The following NAV3 variants were observed in gnomAD, a reference collection of about 807,000 sequenced individuals.
NAV3 encodes the protein neuron navigator 3.
In NAV3, 87 loss-of-function variants were observed where a neutral mutation model predicts 244.7. The ratio of observed to expected loss-of-function variants is 0.36; its 90% CI spans 0.30 to 0.42. NAV3 has a LOEUF of 0.42. Among genes scored for constraint, NAV3 ranks in the 20% least tolerant of loss-of-function variants. The pLI is 1.00. For synonymous variants in NAV3, 1,126 were observed against 1,042.2 expected (o/e 1.08, Z -1.55); for missense variants, 2,663 against 2,893.3 (o/e 0.92, Z 1.83).
At position 77,858,583 on chromosome 12, in the gene NAV3, C is replaced by G. The variant is rs114477725; in HGVS notation, c.243+26879C>G. Among the ~76,000 whole-genome samples, 1,023 of 152,156 alleles carry G rather than the reference C, an allele frequency of 6.7e-3. 12 individuals are homozygous for G. Among genetic ancestry groups the G allele is most frequent in the African/African-American group, 0.024 (981 of 41,538 alleles). ...GAACTCACAGCCATATTTTATTACA[C>G]TATCTCATTGTGGTTTTTCACACTG... On this transcript the variant is annotated intron_variant, in intron 1 of 39. Transcript: ENST00000397909.
intron 12 of NAV3, among the ~76,000 whole-genome samples, chr12:78,081,173 G>A (rs1953330492): frequency 1.3e-5 from 2 of 152,104 alleles, no homozygotes; most frequent in Admixed American, 6.6e-5. Context: ...AACACCTCTA[G>A]CATCTTATGA....
At chr12:77,709,161 T>C (rs1183802738) in intron 2 of NAV3, among the ~76,000 whole-genome samples, 1 of 152,136 alleles carries the variant, frequency 6.6e-6, no homozygotes, top group Admixed American at 6.5e-5. Context: ...TGCAAATCAA[T>C]AAATGTAATC....
intron 2 of NAV3, among the ~76,000 whole-genome samples, chr12:77,601,887 A>T (rs1870450411): frequency 6.6e-6 from 1 of 152,002 alleles, no homozygotes; most frequent in Non-Finnish European, 1.5e-5. Flanking sequence ...AATTGACAAG[A>T]TTAATAAGTG....
At chr12:77,622,132 C>T (rs151225456) in intron 2 of NAV3, among the ~76,000 whole-genome samples, 1 of 152,066 alleles carries the variant, frequency 6.6e-6, no homozygotes, top group African/African-American at 2.4e-5. Flanking sequence ...AACTCATAGC[C>T]TCTGATACCA....
intron 12 of NAV3, among the ~76,000 whole-genome samples, chr12:78,086,661 G>A (rs1487518281): frequency 2.0e-5 from 3 of 151,960 alleles, no homozygotes; most frequent in Non-Finnish European, 4.4e-5. Flanking sequence ...TCATTGCTGA[G>A]GGATCTTTTC....
intron 2 of NAV3, among the ~76,000 whole-genome samples, chr12:77,651,652 G>T (rs939098341): frequency 6.6e-5 from 10 of 152,180 alleles, no homozygotes; most frequent in South Asian, 4.1e-4. Flanking sequence ...TCATGGGCTA[G>T]AATTGGAATT....
At chr12:78,103,733 G>A (rs944918482) in intron 12 of NAV3, among the ~76,000 whole-genome samples, 3 of 152,130 alleles carry the variant, frequency 2.0e-5, no homozygotes, top group Admixed American at 6.5e-5. Flanking sequence ...AGATGCAAAC[G>A]CAGAAATCCC....
intron 2 of NAV3, among the ~76,000 whole-genome samples, chr12:77,628,880 G>A (rs1392104908): frequency 7.0e-6 from 1 of 143,614 alleles, no homozygotes; most frequent in African/African-American, 2.8e-5. Context: ...CAGCCTGGGC[G>A]ATGGGAGTGA....
At position 78,159,063 on chromosome 12, in the gene NAV3, C is replaced by G; in HGVS notation, c.4786-140C>G. 3.9e-6 allele frequency: 2 copies of G among 513,152 alleles called. 1 individual carries two copies. Among genetic ancestry groups the G allele is most frequent in the Non-Finnish European group, 6.7e-6 (2 of 298,486 alleles). 31.8% of individuals were successfully genotyped at this position (513,152 alleles called of 1,614,324 possible). A position where few individuals can be genotyped will look rare whatever the true frequency, so the allele number is the denominator to read the frequency against. On this transcript the variant is annotated intron_variant, in intron 22 of 39. Coordinates refer to ENST00000397909, the MANE Select transcript of NAV3 (RefSeq NM_001024383.2). ...GAAAATGTGTGTTAAAGAAGAGTCA[C>G]CAGTCAGAGCTAACTATGATAGTCA...
At chr12:77,947,303 G>A (rs1890442889) in intron 3 of NAV3, 1 of 151,420 alleles carries the variant, frequency 6.6e-6, no homozygotes, top group Non-Finnish European at 1.5e-5. Context: ...TCTGGAAAGT[G>A]AAACTATTCT....
chr12:77,764,518 CTTT>C (rs1312441481), intron 2 of NAV3, among the ~76,000 whole-genome samples: 1 of 152,160 alleles, frequency 6.6e-6, no homozygotes, highest in Non-Finnish European at 1.5e-5. Context: ...TTCAAGATCA[CTTT>C]AATCAAGTTC....
At chr12:77,938,931 C>CGTGTGTGTGTGTGTGTGT (rs35392593) in intron 1 of NAV3, among the ~76,000 whole-genome samples, 7 of 142,592 alleles carry the variant, frequency 4.9e-5, no homozygotes, top group Non-Finnish European at 7.7e-5. Context: ...AATGTGATCT[C>CGTGTGTGTGTGTGTGTGT]GTGTGTGTGT....
intron 12 of NAV3, among the ~76,000 whole-genome samples, chr12:78,087,256 A>G (rs796245096): frequency 2.0e-4 from 31 of 152,192 alleles, no homozygotes; most frequent in African/African-American, 7.2e-4. Flanking sequence ...TAAATCTTCT[A>G]TGAGAACTGA....
chr12:77,800,623 T>C (rs1293312979), intron 2 of NAV3, among the ~76,000 whole-genome samples: 1 of 152,188 alleles, frequency 6.6e-6, no homozygotes, highest in Non-Finnish European at 1.5e-5. Flanking sequence ...TGTTTAAAGT[T>C]TACTGTTCTA....
chr12:78,023,484 T>C (rs1198984276), intron 9 of NAV3, among the ~76,000 whole-genome samples: 1 of 152,182 alleles, frequency 6.6e-6, no homozygotes, highest in Non-Finnish European at 1.5e-5. Context: ...ATTATTTACA[T>C]AAAATCATAG....
Position 77,998,393 on chromosome 12 carries a change from C to A in NAV3, c.797C>A (p.Ala266Asp). Residue 266 changes from alanine (A) to aspartate (D), a missense_variant, in exon 7 of 40, where the codon GCC (alanine) becomes GAC (aspartate). Coordinates refer to ENST00000397909, the MANE Select transcript of NAV3 (RefSeq NM_001024383.2). ...AAGSSSKVQGASNLNRRSQSF... is the reference protein window; with the variant it reads ...AAGSSSKVQGDSNLNRRSQSF... ...GGAAGCAGCAGCAAGGTCCAGGGAG[C>A]CTCTAATTTAAATAGGAGAAGTCAG... 6.2e-7 allele frequency: 1 copy of A among 1,611,758 alleles called. No individual in the cohort carries two copies. The highest frequency in any genetic ancestry group is 2.2e-5 in the East Asian group (1 of 44,674).
chr12:77,925,778 T>C (rs1339686312), intron 1 of NAV3, among the ~76,000 whole-genome samples: 2 of 152,168 alleles, frequency 1.3e-5, no homozygotes, highest in African/African-American at 4.8e-5. Flanking sequence ...TGATACATAA[T>C]TGTGTATGAG....
chr12:77,888,467 A>G (rs922084798), intron 1 of NAV3, among the ~76,000 whole-genome samples: 5 of 152,070 alleles, frequency 3.3e-5, no homozygotes, highest in African/African-American at 1.2e-4. Context: ...GCACAGCAAG[A>G]CCCTGTTTTA....
chr12:78,180,420 G>A (rs1292120944), intron 29 of NAV3, among the ~76,000 whole-genome samples: 5 of 151,974 alleles, frequency 3.3e-5, no homozygotes, highest in Admixed American at 6.6e-5. Flanking sequence ...TATGATTTTG[G>A]AGTAATTTTA....
Sources: gnomAD v4.1 joint callset for allele counts (sites outside exome capture counted in the v4.1 genomes callset) on GRCh38, gnomAD v4.1.1 for gene constraint, MANE v1.5 for transcripts, NCBI Gene and HGNC (gene_info 2026-07-23, HGNC 2026-07-21) for gene names.